Variants in HSPA12A observed in about 807,000 individuals in gnomAD.
The protein encoded by HSPA12A is heat shock 70 kDa protein 12A.
Under a neutral mutation model 69.2 loss-of-function variants are expected in HSPA12A, and 28 were observed. That is an observed-to-expected ratio of 0.40 (90% CI 0.30 to 0.55). The LOEUF is 0.55. Ranked by LOEUF, HSPA12A falls within the 20% of genes least tolerant of loss-of-function variation. The probability of loss-of-function intolerance (pLI) is 0.38; values close to 1 mark genes in which losing one functional copy is unlikely to be tolerated. For synonymous variants in HSPA12A, 345 were observed against 370.5 expected, an observed-to-expected ratio of 0.93 and a Z score of 0.79; for missense variants, 686 against 900.7, an observed-to-expected ratio of 0.76 and a Z score of 3.05.
rs1554889143 is a variant in HSPA12A, at chr10:116,760,074, C to T, written c.92-52789G>A. 3.9e-5 allele frequency among the ~76,000 whole-genome samples: 6 copies of T among 152,136 alleles called. 1 individual carries two copies. The highest frequency in any genetic ancestry group is 1.5e-5 in the Non-Finnish European group (1 of 68,030). On this transcript the variant is annotated intron_variant, in intron 2 of 12. Transcript: ENST00000635765. Reference sequence around the variant, plus strand: ...AGTATGAAAACAGACTAATACAGTGCTTACCCAGGATCCACTCATTCTCAT... The same window carrying T: ...AGTATGAAAACAGACTAATACAGTGTTTACCCAGGATCCACTCATTCTCAT...
chr10:116,681,655 T>C, intron 8 of HSPA12A, 136 bp downstream of exon 8: 1 of 680,866 alleles, frequency 1.5e-6, no homozygotes, highest in East Asian at 2.6e-5. Flanking sequence ...CCAAAAGAGC[T>C]CTCCCTGCAT....
intron 3 of HSPA12A, among the ~76,000 whole-genome samples, chr10:116,701,715 G>A (rs10886003): frequency 0.22 from 34,037 of 152,138 alleles, 4,579 homozygotes; most frequent in Middle Eastern, 0.39. Context: ...CGGGGCATTC[G>A]TGGAGAATGT....
At chr10:116,844,281 CCAAT>C (rs1232859007) in intron 1 of HSPA12A, among the ~76,000 whole-genome samples, 2 of 152,070 alleles carry the variant, frequency 1.3e-5, no homozygotes, top group Admixed American at 6.5e-5. Context: ...ACAAAAATGC[CCAAT>C]CAAAGGTAGT....
At position 116,766,117 on chromosome 10, in the gene HSPA12A, C is replaced by G. The variant is rs538812126; in HGVS notation, c.92-58832G>C. On this transcript the variant is annotated intron_variant, in intron 2 of 12. Transcript: ENST00000635765. The stretch of plus-strand genomic sequence containing the variant: ...CCACCTCCTCTGCCCCCTCTCCTCC[C>G]TTGTCCACCTTCAGTGCTGAGTGTG... Among the ~76,000 whole-genome samples the G allele has an allele frequency of 5.3e-5, 8 of 152,324 alleles. No homozygotes were observed. The East Asian group carries it at 1.5e-3, about 29-fold the overall frequency.
intron 1 of HSPA12A, among the ~76,000 whole-genome samples, chr10:116,742,163 C>A (rs1554887269): frequency 6.6e-6 from 1 of 151,954 alleles, no homozygotes; most frequent in African/African-American, 2.4e-5. Context: ...ACCAACCAGG[C>A]GCCTCAGCGG....
At chr10:116,692,218 C>T (rs2132940335) in intron 6 of HSPA12A, 133 bp downstream of exon 6, 1 of 676,850 alleles carries the variant, frequency 1.5e-6, no homozygotes, top group African/African-American at 1.8e-5. Flanking sequence ...CCCACCCTGG[C>T]TAGGGGAGCC....
At chr10:116,822,055 C>T (rs567885852) in intron 2 of HSPA12A, among the ~76,000 whole-genome samples, 13 of 152,378 alleles carry the variant, frequency 8.5e-5, no homozygotes, top group African/African-American at 3.1e-4. Context: ...GCATTTACAT[C>T]ACTTTGTATA....
intron 1 of HSPA12A, 65 bp downstream of exon 1, chr10:116,742,365 C>T: frequency 3.6e-6 from 5 of 1,404,620 alleles, no homozygotes; most frequent in Non-Finnish European, 3.7e-6. Flanking sequence ...GAGCGTTGGG[C>T]CAAGCGCGCC....
intron 2 of HSPA12A, among the ~76,000 whole-genome samples, chr10:116,823,334 GAGA>G (rs1401670163): frequency 1.3e-5 from 2 of 152,168 alleles, no homozygotes; most frequent in African/African-American, 4.8e-5. Flanking sequence ...GTTCATGGAT[GAGA>G]AGATTTTTAA....
intron 6 of HSPA12A, among the ~76,000 whole-genome samples, chr10:116,687,592 T>C (rs1372166118): frequency 6.6e-6 from 1 of 152,188 alleles, no homozygotes; most frequent in African/African-American, 2.4e-5. Context: ...AAAACCCAGC[T>C]GTCTTTCTCT....
chr10:116,804,329 C>T (rs535148759), intron 2 of HSPA12A, among the ~76,000 whole-genome samples: 1 of 152,264 alleles, frequency 6.6e-6, no homozygotes, highest in Admixed American at 6.5e-5. Context: ...AGGCTGGGTC[C>T]GCCGTGAAGT....
intron 2 of HSPA12A, among the ~76,000 whole-genome samples, chr10:116,770,376 G>A (rs1554890286): frequency 6.6e-6 from 1 of 152,238 alleles, no homozygotes; most frequent in African/African-American, 2.4e-5. Context: ...TCCCGCAGAG[G>A]CCACGCTGTG....
chr10:116,730,169 C>T (rs782435900), intron 1 of HSPA12A, among the ~76,000 whole-genome samples: 6 of 152,124 alleles, frequency 3.9e-5, no homozygotes, highest in Non-Finnish European at 7.3e-5. Context: ...GGTGACAAAG[C>T]GAGACTCCAT....
chr10:116,802,693 G>C (rs1469014986), intron 2 of HSPA12A, among the ~76,000 whole-genome samples: 1 of 152,222 alleles, frequency 6.6e-6, no homozygotes, highest in South Asian at 2.1e-4. Context: ...GAAGGGGGCA[G>C]CTTATCCCAG....
chr10:116,766,948 C>T (rs1007609218), intron 2 of HSPA12A, among the ~76,000 whole-genome samples: 4 of 152,188 alleles, frequency 2.6e-5, no homozygotes, highest in Admixed American at 6.5e-5. Flanking sequence ...ATCCATCAGG[C>T]TGACAGCCAA....
chr10:116,754,285 G>A (rs1843780961), intron 2 of HSPA12A, among the ~76,000 whole-genome samples: 1 of 152,144 alleles, frequency 6.6e-6, no homozygotes, highest in African/African-American at 2.4e-5. Context: ...CTGCGAGGAT[G>A]GAAAGTGCTA....
At chr10:116,814,112 A>C (rs1158707425) in intron 2 of HSPA12A, among the ~76,000 whole-genome samples, 1 of 152,240 alleles carries the variant, frequency 6.6e-6, no homozygotes, top group Non-Finnish European at 1.5e-5. Context: ...ATTTCAGCAA[A>C]GAATTAGAAT....
At position 116,723,947 on chromosome 10, in the gene HSPA12A, C is replaced by T. The variant is rs1850866945; in HGVS notation, c.41-16662G>A. 6.6e-6 allele frequency among the ~76,000 whole-genome samples: 1 copy of T among 152,222 alleles called. No individual in the cohort carries two copies. The highest frequency in any genetic ancestry group is 1.5e-5 in the Non-Finnish European group (1 of 68,042). The stretch of plus-strand genomic sequence containing the variant: ...GTCACCTGTACCCAGGCATAGACAG[C>T]ACTCTGCTGAGCCATCCATGGCTGC... On this transcript the variant is annotated intron_variant, in intron 1 of 11. Coordinates refer to ENST00000369209, the MANE Select transcript of HSPA12A (RefSeq NM_025015.3). This position sits in a 1 kb window ranked among gnomAD's most constrained non-coding sequence, Gnocchi z 4.1.
chr10:116,712,065 A>G (rs1335683189), intron 1 of HSPA12A, among the ~76,000 whole-genome samples: 3 of 152,142 alleles, frequency 2.0e-5, no homozygotes, highest in African/African-American at 7.2e-5. Flanking sequence ...CTTTCTGGGG[A>G]ACAGACCTTT....
Sources: allele counts gnomAD v4.1 joint callset (sites outside exome capture counted in the v4.1 genomes callset), GRCh38; gene constraint gnomAD v4.1.1; non-coding constraint Gnocchi (gnomAD v3.1); transcripts MANE v1.5; gene names NCBI Gene and HGNC (gene_info 2026-07-23, HGNC 2026-07-21).